Variants in LMO7 observed in about 807,000 individuals in gnomAD.
LMO7 encodes the protein LIM domain 7, also known as LIM domain only protein 7.
LMO7 carries 120 observed loss-of-function variants against 206.5 expected under a neutral mutation model. The ratio of observed to expected loss-of-function variants is 0.58; its 90% CI spans 0.50 to 0.68. LMO7 has a LOEUF of 0.68. LMO7 is among the 30% of genes least tolerant of loss of function. The pLI is 0.00. For missense variants in LMO7, 1,959 were observed against 1,957.9 expected (o/e 1.00, Z -0.01); for synonymous variants, 706 against 681.5 (o/e 1.04, Z -0.56).
At chr13:75,661,508 A>G (rs879487298) in intron 1 of LMO7, among the ~76,000 whole-genome samples, 4 of 152,136 alleles carry the variant, frequency 2.6e-5, no homozygotes, top group African/African-American at 9.7e-5. Context: ...AGCTGTTTCA[A>G]TTGGAGCAAT....
At chr13:75,735,131 G>A (rs1190911238) in intron 3 of LMO7, among the ~76,000 whole-genome samples, 2 of 150,864 alleles carry the variant, frequency 1.3e-5, no homozygotes, top group South Asian at 2.1e-4. Context: ...GTGTGTGTGT[G>A]TGTGTGTGTG....
chr13:75,712,368 G>C (rs1000419216), intron 1 of LMO7, among the ~76,000 whole-genome samples: 1 of 152,172 alleles, frequency 6.6e-6, no homozygotes, highest in African/African-American at 2.4e-5. Context: ...CTCAGTCCCA[G>C]GGGTTGTTCT....
chr13:75,738,760 T>C (rs531049231), intron 3 of LMO7, among the ~76,000 whole-genome samples: 1 of 152,348 alleles, frequency 6.6e-6, no homozygotes, highest in East Asian at 1.9e-4. Context: ...TGAGATATCC[T>C]GATGGTAAGA....
At chr13:75,843,074 T>C (rs190829641) in intron 25 of LMO7, among the ~76,000 whole-genome samples, 158 bp downstream of exon 25, 69 of 152,370 alleles carry the variant, frequency 4.5e-4, no homozygotes, top group African/African-American at 1.7e-3. Context: ...TAGCTTTTGC[T>C]GTGTAACAAC....
chr13:75,716,694 G>A (rs1228727890), intron 2 of LMO7, among the ~76,000 whole-genome samples: 1 of 151,976 alleles, frequency 6.6e-6, no homozygotes, highest in African/African-American at 2.4e-5. Context: ...CATGTGGACT[G>A]CCTTATTATA....
At chr13:75,758,109 G>C (rs1344387871) in intron 3 of LMO7, among the ~76,000 whole-genome samples, 2 of 152,116 alleles carry the variant, frequency 1.3e-5, no homozygotes, top group Non-Finnish European at 2.9e-5. Context: ...AAGCCACACA[G>C]TTGTTTAGGG....
At chr13:75,752,428 C>G (rs576730191) in intron 3 of LMO7, among the ~76,000 whole-genome samples, 1 of 152,092 alleles carries the variant, frequency 6.6e-6, no homozygotes, top group Non-Finnish European at 1.5e-5. Context: ...CCACTGCACC[C>G]GGCCAAAGAA....
intron 3 of LMO7, chr13:75,760,337 A>G (rs1566399028): frequency 1.0e-6 from 1 of 995,520 alleles, no homozygotes; most frequent in Non-Finnish European, 1.2e-6. Flanking sequence ...AAACTATGCA[A>G]TTTAGCCAAT....
At chr13:75,650,725 G>T (rs926829931) in intron 1 of LMO7, among the ~76,000 whole-genome samples, 3 of 152,096 alleles carry the variant, frequency 2.0e-5, no homozygotes, top group Non-Finnish European at 4.4e-5. Context: ...CAAATAAATT[G>T]ATTTTTTTGT....
intron 3 of LMO7, among the ~76,000 whole-genome samples, chr13:75,752,104 C>G (rs546452650): frequency 2.1e-4 from 32 of 152,110 alleles, no homozygotes; most frequent in African/African-American, 7.7e-4. Context: ...ATATATGCAA[C>G]AGCACTTGTT....
intron 6 of LMO7, among the ~76,000 whole-genome samples, chr13:75,798,981 A>C (rs796836255): frequency 2.0e-5 from 3 of 152,398 alleles, no homozygotes; most frequent in African/African-American, 7.2e-5. Flanking sequence ...TAAATTTAAA[A>C]AAATCTTTCT....
At chr13:75,688,935 T>TC (rs1286150972) in intron 1 of LMO7, 29 of 152,318 alleles carry the variant, frequency 1.9e-4, no homozygotes, top group African/African-American at 6.5e-4. Flanking sequence ...AGTATTTTCT[T>TC]CTCCCCGCTC....
rs200557133 is a variant in LMO7, at chr13:75,738,490, A to AT, written c.210+11401dup. Reference sequence around the variant, plus strand: ...GAGGACAGTAACCATGTTTTCCTAGATTTTTTTTTCTTATAGAGATAGGGC... The same window carrying AT: ...GAGGACAGTAACCATGTTTTCCTAGATTTTTTTTTTCTTATAGAGATAGGGC... On this transcript the variant is annotated intron_variant, in intron 3 of 30. Coordinates refer to ENST00000377534, the MANE Select transcript of LMO7 (RefSeq NM_001306080.2). 4.2e-3 allele frequency among the ~76,000 whole-genome samples: 643 copies of AT among 151,802 alleles called. 6 individuals carry two copies. The highest frequency in any genetic ancestry group is 0.015 in the African/African-American group (603 of 41,384).
At chr13:75,836,296 A>T in intron 18 of LMO7, 101 bp from the exon 19 acceptor site, 1 of 669,418 alleles carries the variant, frequency 1.5e-6, no homozygotes, top group Non-Finnish European at 2.6e-6. Context: ...ATCCCGAGAA[A>T]CTCATCTTGT....
intron 11 of LMO7, among the ~76,000 whole-genome samples, chr13:75,812,858 A>G (rs918366970): frequency 6.6e-6 from 1 of 152,256 alleles, no homozygotes; most frequent in African/African-American, 2.4e-5. Context: ...TGTAAGAGAC[A>G]TACGATGTGA....
At chr13:75,652,794 A>G (rs552067467) in intron 1 of LMO7, among the ~76,000 whole-genome samples, 1 of 152,272 alleles carries the variant, frequency 6.6e-6, no homozygotes, top group African/African-American at 2.4e-5. Flanking sequence ...TTTATTATAA[A>G]ATTGAATTGA....
At chr13:75,765,865 T>G (rs1284023908) in intron 4 of LMO7, among the ~76,000 whole-genome samples, 1 of 152,110 alleles carries the variant, frequency 6.6e-6, no homozygotes, top group Non-Finnish European at 1.5e-5. Context: ...CTCTACTCCC[T>G]CAAATCCAAA....
chr13:75,826,464 G>C (rs1450737089), intron 15 of LMO7, among the ~76,000 whole-genome samples: 1 of 152,200 alleles, frequency 6.6e-6, no homozygotes, highest in Non-Finnish European at 1.5e-5. Flanking sequence ...CTTGCCTGAT[G>C]CCAGGTTGGA....
rs2061109330 is a variant in LMO7, at chr13:75,858,053, AAG to A, written c.*112_*113del. The A allele has an allele frequency of 7.4e-7, 1 of 1,353,194 alleles. No homozygotes were observed. Among genetic ancestry groups the A allele is most frequent in the Non-Finnish European group, 1.0e-6 (1 of 974,238 alleles). The allele number at this position is 1,353,194 out of a possible 1,614,324, so 83.8% of individuals were successfully genotyped here. On this transcript the variant is annotated 3_prime_UTR_variant, in exon 31 of 31. Coordinates refer to ENST00000377534, the MANE Select transcript of LMO7 (RefSeq NM_001306080.2). ...TCTTTTTTGCTTTTTTTTTAAAAAA[AAG>A]AATAACTTTTTTTGCCTCTTTAGAT...
Sources: allele counts gnomAD v4.1 joint callset (sites outside exome capture counted in the v4.1 genomes callset), GRCh38; gene constraint gnomAD v4.1.1; transcripts MANE v1.5; gene names NCBI Gene and HGNC (gene_info 2026-07-23, HGNC 2026-07-21).